The following PBX4 variants were observed in gnomAD, a reference collection of about 807,000 sequenced individuals.
PBX4 encodes pre-B-cell leukemia transcription factor 4.
Under a neutral mutation model 35.1 loss-of-function variants are expected in PBX4, and 26 were observed. That is an observed-to-expected ratio of 0.74 (90% CI 0.54 to 1.03). The LOEUF (loss-of-function observed/expected upper bound fraction) is 1.03, where lower values mean the gene tolerates loss of function less well. Ranked by LOEUF, PBX4 falls within the 50% of genes least tolerant of loss-of-function variation. The pLI is 0.00. For synonymous variants in PBX4, 199 were observed against 204.2 expected (o/e 0.97, Z 0.22); for missense variants, 448 against 504.3 (o/e 0.89, Z 1.07).
intron 5 of PBX4, among the ~76,000 whole-genome samples, chr19:19,567,555 C>T (rs964044671): frequency 2.6e-5 from 4 of 152,186 alleles, no homozygotes; most frequent in African/African-American, 9.7e-5. Flanking sequence ...TGGGGCTGTG[C>T]CTGCCCAGGT....
chr19:19,563,993 T>C lies in PBX4; in HGVS notation c.926-378A>G, dbSNP rs1000065171. On this transcript the variant is annotated intron_variant, in intron 6 of 7. Transcript: ENST00000251203. This position sits in a 1 kb window ranked among gnomAD's most constrained non-coding sequence, Gnocchi z 5.1. Reference sequence around the variant, plus strand: ...CAGATAATTTGTTTTTTCTTTCTTTTTTTTTATTATTATTATACTTTAAGT... The same window carrying C: ...CAGATAATTTGTTTTTTCTTTCTTTCTTTTTATTATTATTATACTTTAAGT... Among the ~76,000 whole-genome samples, 2 of 152,066 alleles carry C rather than the reference T, an allele frequency of 1.3e-5. No individual in the cohort carries two copies. The highest frequency in any genetic ancestry group is 2.4e-5 in the African/African-American group (1 of 41,392).
At chr19:19,570,532 G>A (rs1056182832) in intron 3 of PBX4, 54 bp downstream of exon 3, 28 of 1,597,018 alleles carry the variant, frequency 1.8e-5, no homozygotes, top group Admixed American at 8.4e-5. Flanking sequence ...TCCGTGTTTC[G>A]CTTTGACAAA....
chr19:19,562,205 G>A lies in PBX4; in HGVS notation c.1033-88C>T. On this transcript the variant is annotated intron_variant, in intron 7 of 7. Transcript: ENST00000251203. This position sits in a 1 kb window ranked among gnomAD's most constrained non-coding sequence, Gnocchi z 4.8. ...CGTGCTGCAGGCGGAGCCTCCAGGG[G>A]TCCCTGGGAAGGCTTGGAAAAGATC... 2.4e-5 allele frequency: 24 copies of A among 980,024 alleles called. No homozygotes were observed. In the South Asian group the frequency reaches 3.8e-4, roughly 16 times the overall value. 60.7% of individuals were successfully genotyped at this position (980,024 alleles called of 1,614,324 possible).
At chr19:19,573,330 T>TACACACACACAC (rs397838081) in intron 2 of PBX4, among the ~76,000 whole-genome samples, 18 of 133,372 alleles carry the variant, frequency 1.3e-4, no homozygotes, top group South Asian at 4.9e-4. Flanking sequence ...AAAAAAAATA[T>TACACACACACAC]ACACACACAC....
At chr19:19,609,548 T>C (rs1270068901) in intron 1 of PBX4, among the ~76,000 whole-genome samples, 2 of 54,384 alleles carry the variant, frequency 3.7e-5, no homozygotes, top group Non-Finnish European at 3.2e-5. Context: ...AAAATCCATA[T>C]GAAAAAAAAA....
At chr19:19,610,829 C>A (rs1220918953) in intron 1 of PBX4, among the ~76,000 whole-genome samples, 1 of 152,162 alleles carries the variant, frequency 6.6e-6, no homozygotes, top group African/African-American at 2.4e-5. Flanking sequence ...TGGCACTAGA[C>A]CAAGTCAAGC....
rs768011422 is a variant in PBX4 at position 19,568,664 on chromosome 19, C to T, written c.768+785G>A. On this transcript the variant is annotated intron_variant, in intron 5 of 7. Transcript: ENST00000251203. ...TGTATCCCTCAGGAAGCTCACACTCCGTCTGTATCCCTCAGGGAGCTCATA... is the reference window on the plus strand; with the variant it reads ...TGTATCCCTCAGGAAGCTCACACTCTGTCTGTATCCCTCAGGGAGCTCATA... Among the ~76,000 whole-genome samples, 36 of 150,348 alleles carry T rather than the reference C, an allele frequency of 2.4e-4. No homozygotes were observed. The East Asian group carries it at 2.6e-3, about 11-fold the overall frequency.
chr19:19,604,189 G>C (rs1437438415), intron 1 of PBX4, among the ~76,000 whole-genome samples: 1 of 152,004 alleles, frequency 6.6e-6, no homozygotes, highest in African/African-American at 2.4e-5. Flanking sequence ...CACCATGAGA[G>C]GTTGGGCATG....
At chr19:19,564,908 C>T (rs1392021150) in intron 6 of PBX4, 25 bp downstream of exon 6, 1 of 1,614,146 alleles carries the variant, frequency 6.2e-7, no homozygotes, top group East Asian at 2.2e-5. Context: ...GTACAGATGA[C>T]TGTCCCTGGG....
At chr19:19,609,588 C>T (rs1442211978) in intron 1 of PBX4, among the ~76,000 whole-genome samples, 4 of 148,326 alleles carry the variant, frequency 2.7e-5, no homozygotes, top group Admixed American at 6.8e-5. Context: ...CAGTGATTCA[C>T]GCCTGTAATC....
intron 2 of PBX4, among the ~76,000 whole-genome samples, chr19:19,577,206 A>C (rs937771680): frequency 5.3e-5 from 8 of 152,072 alleles, no homozygotes; most frequent in Non-Finnish European, 7.4e-5. Flanking sequence ...AAAAAAAAAA[A>C]AAAAAACTCT....
intron 2 of PBX4, among the ~76,000 whole-genome samples, chr19:19,591,644 C>A (rs2061528931): frequency 6.6e-6 from 1 of 152,184 alleles, no homozygotes; most frequent in South Asian, 2.1e-4. Context: ...TGCAAGGGGC[C>A]TCTGGGGCTC....
In PBX4 at chr19:19,565,001, G is replaced by A. The variant is rs550466530; in HGVS notation, c.857C>T (p.Thr286Met). 23 of 1,614,152 alleles carry A rather than the reference G, an allele frequency of 1.4e-5. No homozygotes were observed. The highest frequency in any genetic ancestry group is 8.3e-5 in the Admixed American group (5 of 60,010). Residue 286 changes from threonine to methionine, a missense_variant, in exon 6 of 8, where the codon ACG becomes ATG. Physicochemically the swap from Thr to Met is moderately conservative, Grantham distance 81 (BLOSUM62 -1). Coordinates refer to ENST00000251203, the MANE Select transcript of PBX4 (RefSeq NM_025245.3). ...CCCAACTTCCGTGGTATCCACAGCC[G>A]TTTTACCCGTGTAAATGGTAGCCTC... ...QEEATIYTGK[T>M]AVDTTEVGVP...
intron 4 of PBX4, 50 bp downstream of exon 4, chr19:19,570,059 C>T: frequency 1.3e-6 from 2 of 1,519,902 alleles, no homozygotes; most frequent in South Asian, 1.3e-5. Flanking sequence ...TATTTCCCTC[C>T]AGTCCCTCAG....
At chr19:19,581,928 G>A (rs1420881808) in intron 2 of PBX4, among the ~76,000 whole-genome samples, 5 of 152,184 alleles carry the variant, frequency 3.3e-5, no homozygotes, top group African/African-American at 1.2e-4. Flanking sequence ...GAGACTGGCT[G>A]TGAGAGGCCT....
intron 1 of PBX4, among the ~76,000 whole-genome samples, chr19:19,613,691 T>G (rs2061674751): frequency 1.3e-5 from 2 of 152,058 alleles, no homozygotes; most frequent in South Asian, 4.1e-4. Flanking sequence ...GCGGTGACAT[T>G]CCTGGGTGTG....
rs1332815225 is a variant in PBX4 at position 19,564,924 on chromosome 19, C to T, written c.925+9G>A. The stretch of plus-strand genomic sequence containing the variant: ...TACAGATGACTGTCCCTGGGCCAGC[C>T]TCACTCACCGGAGCTAGGTGTTGAC... On this transcript the variant is annotated intron_variant, in intron 6 of 7. Transcript: ENST00000251203. 6.2e-7 allele frequency: 1 copy of T among 1,614,252 alleles called. No individual in the cohort carries two copies. The highest frequency in any genetic ancestry group is 8.5e-7 in the Non-Finnish European group (1 of 1,180,040).
At chr19:19,570,890 A>G in intron 2 of PBX4, 57 bp from the exon 3 acceptor site, 1 of 1,590,226 alleles carries the variant, frequency 6.3e-7, no homozygotes, top group Non-Finnish European at 8.6e-7. Flanking sequence ...AAAACAAACC[A>G]TGAGAAAATG....
chr19:19,589,697 G>T (rs1303061987), intron 2 of PBX4, among the ~76,000 whole-genome samples: 2 of 152,174 alleles, frequency 1.3e-5, no homozygotes, highest in East Asian at 3.9e-4. Flanking sequence ...TTGAACCCGG[G>T]AAGTGGAGGT....
Sources: allele counts gnomAD v4.1 joint callset (sites outside exome capture counted in the v4.1 genomes callset), GRCh38; gene constraint gnomAD v4.1.1; non-coding constraint Gnocchi (gnomAD v3.1); transcripts MANE v1.5; gene names NCBI Gene and HGNC (gene_info 2026-07-23, HGNC 2026-07-21).